HS2ST1: variants seen among roughly 807,000 people sequenced by gnomAD.
The protein encoded by HS2ST1 is 2-O-sulfotransferase.
HS2ST1 carries 18 observed loss-of-function variants against 42.9 expected under a neutral mutation model. That is an observed-to-expected ratio of 0.42 (90% confidence interval 0.29 to 0.62). The LOEUF is 0.62. Ranked by LOEUF, HS2ST1 falls within the 20% of genes least tolerant of loss-of-function variation. The probability of loss-of-function intolerance (pLI) is 0.21; values close to 1 mark genes in which losing one functional copy is unlikely to be tolerated. For synonymous variants in HS2ST1, 146 were observed against 152.9 expected (o/e 0.95, Z 0.33); for missense variants, 334 against 433.8 (o/e 0.77, Z 2.04).
intron 1 of HS2ST1, among the ~76,000 whole-genome samples, chr1:86,919,486 A>G (rs967587127): frequency 1.3e-5 from 2 of 152,192 alleles, no homozygotes; most frequent in Admixed American, 1.3e-4. Context: ...GAGATTTATC[A>G]TGATTTTCTC....
In HS2ST1 at chr1:87,041,171, C is replaced by T. The variant is rs1041982239; in HGVS notation, c.125-31763C>T. On this transcript the variant is annotated intron_variant, in intron 1 of 6. Coordinates refer to ENST00000370550, the MANE Select transcript of HS2ST1 (RefSeq NM_012262.4). ...GAGGAAAGGAAGACCACATTAAATT[C>T]CCAAATAAAAGAAGCAATACAATCT... Among the ~76,000 whole-genome samples, 6 of 141,714 alleles carry T rather than the reference C, an allele frequency of 4.2e-5. No homozygotes were observed. In the East Asian group the frequency reaches 8.5e-4, roughly 20 times the overall value. 93.0% of individuals were successfully genotyped at this position (141,714 alleles called of 152,430 possible). A position where few individuals can be genotyped will look rare whatever the true frequency, so the allele number is the denominator to read the frequency against.
At chr1:87,099,107 T>C (rs1290181956) in intron 5 of HS2ST1, among the ~76,000 whole-genome samples, 3 of 152,350 alleles carry the variant, frequency 2.0e-5, no homozygotes, top group Non-Finnish European at 4.4e-5. Context: ...TAAAGTTTTA[T>C]TGAAACACAG....
At chr1:86,928,257 C>G (rs1386395221) in intron 1 of HS2ST1, among the ~76,000 whole-genome samples, 1 of 151,886 alleles carries the variant, frequency 6.6e-6, no homozygotes, top group East Asian at 1.9e-4. Flanking sequence ...AAAAAATATA[C>G]TATTTTAAAT....
intron 1 of HS2ST1, among the ~76,000 whole-genome samples, chr1:86,941,322 C>A (rs1384744705): frequency 6.6e-6 from 1 of 151,520 alleles, no homozygotes; most frequent in East Asian, 1.9e-4. Context: ...TGACCAAAAT[C>A]TTTTCTTAGC....
rs144559506 is a variant in HS2ST1, at chr1:87,062,910, T to C, written c.125-10024T>C. ...GTTAATCCAGTTTTCTCTTGTAGGC[T>C]TCATACAGGTGCATTCAAGACTTTT... On this transcript the variant is annotated intron_variant, in intron 1 of 6. Coordinates refer to ENST00000370550, the MANE Select transcript of HS2ST1 (RefSeq NM_012262.4). Among the ~76,000 whole-genome samples the C allele has an allele frequency of 9.4e-3, 1,439 of 152,312 alleles. 12 individuals are homozygous for C. The highest frequency in any genetic ancestry group is 0.017 in the Middle Eastern group (5 of 294).
At chr1:87,084,086 C>T in intron 2 of HS2ST1, 108 bp from the exon 3 acceptor site, 1 of 611,660 alleles carries the variant, frequency 1.6e-6, no homozygotes, top group East Asian at 2.9e-5. Context: ...GTTTCAAGCT[C>T]TGTAAAAGTG....
chr1:86,918,467 C>T (rs1480457224), intron 1 of HS2ST1, among the ~76,000 whole-genome samples: 1 of 151,496 alleles, frequency 6.6e-6, no homozygotes, highest in Admixed American at 6.6e-5. Flanking sequence ...CCCCATCTGT[C>T]GTGTGTGTGC....
chr1:86,991,759 G>A (rs1187983048), intron 1 of HS2ST1, among the ~76,000 whole-genome samples: 1 of 152,140 alleles, frequency 6.6e-6, no homozygotes, highest in Non-Finnish European at 1.5e-5. Flanking sequence ...TCACAGAGTT[G>A]CTGTGTGGAT....
Position 86,914,864 on chromosome 1 carries a change from C to T in HS2ST1, c.-173C>T, listed in dbSNP as rs1168347108. 1.0e-5 allele frequency: 7 copies of T among 701,044 alleles called. No individual in the cohort carries two copies. The highest frequency in any genetic ancestry group is 7.3e-5 in the South Asian group (4 of 54,548). The allele number at this position is 701,044 out of a possible 1,614,324, so 43.4% of individuals were successfully genotyped here. A position where few individuals can be genotyped will look rare whatever the true frequency, so the allele number is the denominator to read the frequency against. On this transcript the variant is annotated 5_prime_UTR_variant, in exon 1 of 7. Coordinates refer to ENST00000370550, the MANE Select transcript of HS2ST1 (RefSeq NM_012262.4). ...ACACCAGCGGCGTTGGTGATAGCGC[C>T]TGGGGGAGGGGGACTGGAGAGGCGA...
intron 1 of HS2ST1, among the ~76,000 whole-genome samples, chr1:87,014,390 G>A (rs971747193): frequency 1.3e-4 from 20 of 152,178 alleles, no homozygotes; most frequent in African/African-American, 4.6e-4. Context: ...TACAAGAACA[G>A]CATGGGAAAG....
intron 1 of HS2ST1, among the ~76,000 whole-genome samples, chr1:86,946,030 G>C (rs1018457738): frequency 4.6e-5 from 7 of 152,180 alleles, no homozygotes; most frequent in African/African-American, 1.7e-4. Flanking sequence ...TTAAGTATTT[G>C]ACAGTTTAGG....
chr1:87,046,456 T>G, intron 1 of HS2ST1: 1 of 1,000,716 alleles, frequency 1.0e-6, no homozygotes, highest in Non-Finnish European at 1.6e-6. Flanking sequence ...AAGGTGACAT[T>G]AAACGTATTT....
intron 1 of HS2ST1, among the ~76,000 whole-genome samples, chr1:87,033,253 C>T (rs933840621): frequency 1.3e-5 from 2 of 152,174 alleles, no homozygotes; most frequent in African/African-American, 4.8e-5. Flanking sequence ...ATATTTTAGA[C>T]ATGATTCCAT....
At chr1:86,946,185 G>A (rs556248488) in intron 1 of HS2ST1, among the ~76,000 whole-genome samples, 4 of 152,054 alleles carry the variant, frequency 2.6e-5, no homozygotes, top group East Asian at 1.9e-4. Context: ...CCAGACTGAC[G>A]TATTTTTGTT....
chr1:86,951,809 T>C (rs990212650), intron 1 of HS2ST1, among the ~76,000 whole-genome samples: 1 of 152,238 alleles, frequency 6.6e-6, no homozygotes, highest in Non-Finnish European at 1.5e-5. Context: ...CAACTATGTT[T>C]ATGGGATATT....
intron 1 of HS2ST1, among the ~76,000 whole-genome samples, chr1:87,063,295 G>A (rs1218914713): frequency 1.3e-5 from 2 of 151,984 alleles, no homozygotes; most frequent in Non-Finnish European, 2.9e-5. Context: ...CCATTCTGCT[G>A]TTGAACCCAT....
intron 1 of HS2ST1, among the ~76,000 whole-genome samples, chr1:87,057,229 A>G (rs1241134983): frequency 6.6e-6 from 1 of 152,212 alleles, no homozygotes; most frequent in Non-Finnish European, 1.5e-5. Flanking sequence ...TTTAATTACT[A>G]ATGTGCTGTT....
At chr1:87,097,505 C>A (rs533826986) in intron 4 of HS2ST1, among the ~76,000 whole-genome samples, 1 of 152,176 alleles carries the variant, frequency 6.6e-6, no homozygotes, top group East Asian at 1.9e-4. Flanking sequence ...GCGATTCTCC[C>A]GCCTCAGCCT....
At chr1:87,000,601 A>G (rs183907069) in intron 1 of HS2ST1, among the ~76,000 whole-genome samples, 1 of 152,350 alleles carries the variant, frequency 6.6e-6, no homozygotes, top group Admixed American at 6.5e-5. Flanking sequence ...TCCAAAGAGT[A>G]GAATGTAGTT....
Sources: gnomAD v4.1 joint callset for allele counts (sites outside exome capture counted in the v4.1 genomes callset) on GRCh38, gnomAD v4.1.1 for gene constraint, MANE v1.5 for transcripts, NCBI Gene and HGNC (gene_info 2026-07-23, HGNC 2026-07-21) for gene names.